The following CRLS1 variants were observed in gnomAD, a reference collection of about 807,000 sequenced individuals.
The protein encoded by CRLS1 is cardiolipin synthase (CMP-forming).
Under a neutral mutation model 37.0 loss-of-function variants are expected in CRLS1, and 24 were observed. The observed-to-expected ratio is 0.65, with a 90% confidence interval of 0.47 to 0.91. The LOEUF (loss-of-function observed/expected upper bound fraction) is 0.91, where lower values mean the gene tolerates loss of function less well. Ranked by LOEUF, CRLS1 falls within the 40% of genes least tolerant of loss-of-function variation. CRLS1 has a pLI of 0.00. For synonymous variants in CRLS1, 135 were observed against 159.7 expected (o/e 0.85, Z 1.17); for missense variants, 373 against 395.8 (o/e 0.94, Z 0.49).
intron 3 of CRLS1, chr20:6,015,951 A>C (rs1978710270): frequency 6.0e-6 from 1 of 165,434 alleles, no homozygotes; most frequent in Admixed American, 6.1e-5. Context: ...AATCATATAT[A>C]TAGTTTGTAC....
At chr20:6,029,138 A>AT (rs11087706) in intron 3 of CRLS1, among the ~76,000 whole-genome samples, 70,000 of 147,386 alleles carry the variant, frequency 0.47, 16,571 homozygotes, top group East Asian at 0.58. Flanking sequence ...GGAACCCTTG[A>AT]TTTTTTTTTT....
At chr20:6,031,442 T>A (rs1270218659) in intron 4 of CRLS1, 72 bp downstream of exon 4, 38 of 1,175,328 alleles carry the variant, frequency 3.2e-5, no homozygotes, top group Non-Finnish European at 2.6e-5. Context: ...AGACATATTT[T>A]TGCGTCAACA....
At chr20:6,017,140 C>T (rs930109447) in intron 3 of CRLS1, among the ~76,000 whole-genome samples, 8 of 152,068 alleles carry the variant, frequency 5.3e-5, no homozygotes, top group Non-Finnish European at 1.2e-4. Flanking sequence ...ATGTGCATCA[C>T]CACGCCTGGC....
chr20:6,017,244 G>A (rs186407022), intron 3 of CRLS1, among the ~76,000 whole-genome samples: 22 of 152,284 alleles, frequency 1.4e-4, no homozygotes, highest in Admixed American at 4.6e-4. Flanking sequence ...ATTCAGAATT[G>A]TGAAGACCCT....
upstream of CRLS1, chr20:6,006,052 G>A (rs886284358): frequency 1.1e-5 from 4 of 362,422 alleles, no homozygotes; most frequent in Admixed American, 1.9e-4. Flanking sequence ...TCGTAAAAGC[G>A]TCGCGAAGGC....
At chr20:6,009,579 C>A (rs1246878108) in intron 1 of CRLS1, among the ~76,000 whole-genome samples, 196 bp from the exon 2 acceptor site, 1 of 152,034 alleles carries the variant, frequency 6.6e-6, no homozygotes, top group Non-Finnish European at 1.5e-5. Flanking sequence ...CTTCTGTATT[C>A]TTGAAAGAAG....
rs1433515880 is a variant in CRLS1, at chr20:6,009,772, C to T, written c.307-3C>T. ...CTTAAATTTTGTTGTCTTTGTGTTTCAGTATGAAAACCCATGGACAATCCC... is the reference window on the plus strand; with the variant it reads ...CTTAAATTTTGTTGTCTTTGTGTTTTAGTATGAAAACCCATGGACAATCCC... On this transcript the variant is annotated splice_region_variant and splice_polypyrimidine_tract_variant and intron_variant, in intron 1 of 6. Transcript: ENST00000378863. 6.2e-7 allele frequency: 1 copy of T among 1,603,012 alleles called. No homozygotes were observed. The highest frequency in any genetic ancestry group is 1.1e-5 in the South Asian group (1 of 89,350).
In CRLS1 at chr20:6,006,456, G is replaced by A. The variant is rs550761263; in HGVS notation, c.210G>A (p.Ser70=). Residue 70 remains serine, a synonymous_variant, in exon 1 of 7, where the codon TCG becomes TCA. Transcript: ENST00000378863. ...GGATCGGCCAGCGGAACCACTGTTC[G>A]GGCGCGGGGAAGGCGGCTCCCAGGC... ...LPGIGQRNHC[S]GAGKAAPRPA... 844 of 1,404,218 alleles carry A rather than the reference G, an allele frequency of 6.0e-4. 9 individuals are homozygous for A. The South Asian group carries it at 0.012, about 20-fold the overall frequency. The allele number at this position is 1,404,218 out of a possible 1,614,324, so 87.0% of individuals were successfully genotyped here.
Position 6,024,317 on chromosome 20 carries a change from T to C in CRLS1, c.575-6968T>C, listed in dbSNP as rs187316511. On this transcript the variant is annotated intron_variant, in intron 3 of 6. Coordinates refer to ENST00000378863, the MANE Select transcript of CRLS1 (RefSeq NM_019095.6). ...GATTTCGTCATTATTAAATCTGTTA[T>C]GGTGATCTGTGATCAGCGAACTCTG... Among the ~76,000 whole-genome samples, 156 of 152,324 alleles carry C rather than the reference T, an allele frequency of 1.0e-3. No homozygotes were observed. In the Middle Eastern group the frequency reaches 0.014, roughly 13 times the overall value.
Position 6,039,025 on chromosome 20 carries a change from A to C in CRLS1, c.*1867A>C, listed in dbSNP as rs571348017. On this transcript the variant is annotated 3_prime_UTR_variant, in exon 7 of 7. Coordinates refer to ENST00000378863, the MANE Select transcript of CRLS1 (RefSeq NM_019095.6). ...TGAGTATGTACTTGTTTATAGACTC[A>C]AAACATGATGAAAATTCATTTCATT... 1 of 152,382 alleles carries C rather than the reference A, an allele frequency of 6.6e-6. No individual in the cohort carries two copies. The highest frequency in any genetic ancestry group is 6.5e-5 in the Admixed American group (1 of 15,306). 9.4% of individuals were successfully genotyped at this position (152,382 alleles called of 1,614,324 possible).
intron 3 of CRLS1, chr20:6,031,065 A>G (rs1568630549): frequency 2.4e-6 from 1 of 421,342 alleles, no homozygotes; most frequent in East Asian, 3.8e-5. Flanking sequence ...TCAAAGCCAT[A>G]GTCTGTACTT....
intron 3 of CRLS1, among the ~76,000 whole-genome samples, chr20:6,021,067 T>A (rs1429521192): frequency 5.3e-5 from 1 of 18,864 alleles, no homozygotes; most frequent in East Asian, 1.2e-3. Context: ...TTTTGTATCT[T>A]TTTTTTTTTT....
chr20:6,030,341 A>G (rs1427305090), intron 3 of CRLS1, among the ~76,000 whole-genome samples: 1 of 152,170 alleles, frequency 6.6e-6, no homozygotes, highest in Non-Finnish European at 1.5e-5. Context: ...AATCTGAGGA[A>G]TGATGACAAA....
At chr20:6,017,618 T>C (rs1040394889) in intron 3 of CRLS1, among the ~76,000 whole-genome samples, 2 of 152,240 alleles carry the variant, frequency 1.3e-5, no homozygotes, top group African/African-American at 4.8e-5. Flanking sequence ...CCTTGGACAT[T>C]CTTAGCCCTT....
chr20:6,025,568 T>C (rs1238405132), intron 3 of CRLS1, among the ~76,000 whole-genome samples: 1 of 152,238 alleles, frequency 6.6e-6, no homozygotes, highest in Non-Finnish European at 1.5e-5. Flanking sequence ...TTTCAAGTCT[T>C]ACTATTTAAG....
chr20:6,029,127 G>C (rs748541431), intron 3 of CRLS1, among the ~76,000 whole-genome samples: 5 of 128,968 alleles, frequency 3.9e-5, no homozygotes, highest in African/African-American at 9.0e-5. Flanking sequence ...AGTCAGTTTG[G>C]GGAACCCTTG....
At chr20:6,007,350 G>A (rs561921589) in intron 1 of CRLS1, 1 of 1,612,002 alleles carries the variant, frequency 6.2e-7, no homozygotes, top group South Asian at 1.1e-5. Flanking sequence ...ATACTTTGAA[G>A]TTGCCATATC....
rs1980413877 is a variant in CRLS1 at position 6,034,575 on chromosome 20, ACTCTCTT to A, written c.821+21_821+27del. 6.6e-7 allele frequency: 1 copy of A among 1,515,878 alleles called. No individual in the cohort carries two copies. The allele number at this position is 1,515,878 out of a possible 1,614,324, so 93.9% of individuals were successfully genotyped here. On this transcript the variant is annotated intron_variant, in intron 6 of 6. Coordinates refer to ENST00000378863, the MANE Select transcript of CRLS1 (RefSeq NM_019095.6). ...ACTATGGTAAGCTAAATTTAGAATC[ACTCTCTT>A]AGAATGTCAACAGAATGACTTATGG...
At chr20:6,027,003 G>A (rs777414584) in intron 3 of CRLS1, among the ~76,000 whole-genome samples, 41 of 152,038 alleles carry the variant, frequency 2.7e-4, no homozygotes, top group Non-Finnish European at 5.6e-4. Context: ...CTATTGTAGC[G>A]TGAAAGCAGC....
Sources: gnomAD v4.1 joint callset for allele counts (sites outside exome capture counted in the v4.1 genomes callset) on GRCh38, gnomAD v4.1.1 for gene constraint, MANE v1.5 for transcripts, NCBI Gene and HGNC (gene_info 2026-07-23, HGNC 2026-07-21) for gene names.